Variants in POLR1E observed in about 807,000 individuals in gnomAD.
The protein encoded by POLR1E is DNA-directed RNA polymerase I subunit RPA49.
In POLR1E, 37 loss-of-function variants were observed where a neutral mutation model predicts 50.9. The ratio of observed to expected loss-of-function variants is 0.73; its 90% CI spans 0.56 to 0.96. POLR1E has a LOEUF of 0.96. Ranked by LOEUF, POLR1E falls within the 40% of genes least tolerant of loss-of-function variation. POLR1E has a pLI of 0.00. For missense variants in POLR1E, 426 were observed against 518.1 expected, an observed-to-expected ratio of 0.82 and a Z score of 1.73; for synonymous variants, 166 against 191.6, an observed-to-expected ratio of 0.87 and a Z score of 1.10.
At chr9:37,486,855 C>T (rs866495410) in intron 2 of POLR1E, 49 bp downstream of exon 2, 3 of 1,557,196 alleles carry the variant, frequency 1.9e-6, no homozygotes, top group African/African-American at 1.4e-5. Flanking sequence ...GCTCAGAAGG[C>T]CCCTGGGAGT....
At chr9:37,489,775 T>C (rs1370553191) in intron 4 of POLR1E, among the ~76,000 whole-genome samples, 1 of 152,218 alleles carries the variant, frequency 6.6e-6, no homozygotes, top group Non-Finnish European at 1.5e-5. Context: ...CGTTTTACCA[T>C]GTTGGCCAGG....
At chr9:37,496,100 T>C (rs528416508) in intron 8 of POLR1E, 114 bp downstream of exon 8, 4 of 739,846 alleles carry the variant, frequency 5.4e-6, no homozygotes, top group Admixed American at 2.2e-5. Flanking sequence ...GTCTGGAGCA[T>C]TGGACATGAA....
chr9:37,502,321 C>T (rs988588053), intron 11 of POLR1E, among the ~76,000 whole-genome samples: 3 of 152,202 alleles, frequency 2.0e-5, no homozygotes, highest in Admixed American at 2.0e-4. Flanking sequence ...AGAGCTTCCT[C>T]ACAATCAGAT....
chr9:37,497,299 G>A (rs1219701425), intron 8 of POLR1E, among the ~76,000 whole-genome samples: 1 of 152,236 alleles, frequency 6.6e-6, no homozygotes, highest in African/African-American at 2.4e-5. Context: ...AGGTTGCGGT[G>A]AGCCAAGATT....
chr9:37,489,701 G>A (rs1426805089), intron 4 of POLR1E, among the ~76,000 whole-genome samples: 1 of 152,034 alleles, frequency 6.6e-6, no homozygotes, highest in African/African-American at 2.4e-5. Flanking sequence ...AGCCTCCCGA[G>A]TAGCTGGGAT....
rs369020220 is a variant in POLR1E at position 37,503,211 on chromosome 9, T to A, written c.*9T>A. Reference sequence around the variant, plus strand: ...GGAGGAAGATTACCTAGACGCATGCTTTCCAGACAGGGCGTTTTGGCTGCA... The same window carrying A: ...GGAGGAAGATTACCTAGACGCATGCATTCCAGACAGGGCGTTTTGGCTGCA... On this transcript the variant is annotated 3_prime_UTR_variant, in exon 12 of 12. Coordinates refer to ENST00000377798, the MANE Select transcript of POLR1E (RefSeq NM_022490.4). 1 of 1,591,986 alleles carries A rather than the reference T, an allele frequency of 6.3e-7. No individual in the cohort carries two copies. The highest frequency in any genetic ancestry group is 1.4e-5 in the African/African-American group (1 of 74,030).
intron 7 of POLR1E, 129 bp downstream of exon 7, chr9:37,495,405 G>A (rs1820766480): frequency 2.6e-6 from 2 of 775,242 alleles, no homozygotes; most frequent in African/African-American, 1.7e-5. Flanking sequence ...AACCTTTGCA[G>A]TTGCTCAGTG....
chr9:37,498,644 G>A (rs957465274), intron 9 of POLR1E, among the ~76,000 whole-genome samples: 2 of 152,232 alleles, frequency 1.3e-5, no homozygotes, highest in African/African-American at 4.8e-5. Context: ...TTGAAGGCTT[G>A]TGGCAGGTTT....
intron 8 of POLR1E, 83 bp downstream of exon 8, chr9:37,496,069 C>T (rs183551461): frequency 2.8e-5 from 27 of 974,460 alleles, no homozygotes; most frequent in East Asian, 2.2e-4. Flanking sequence ...GTCCTCTGGG[C>T]GTCAGTCAGT....
chr9:37,501,570 G>T, intron 10 of POLR1E, 143 bp from the exon 11 acceptor site: 1 of 1,006,018 alleles, frequency 9.9e-7, no homozygotes, highest in Non-Finnish European at 1.4e-6. Context: ...GAAGGGCAAA[G>T]TCACCCACAT....
chr9:37,495,865 G>A (rs1365618876), intron 7 of POLR1E, 25 bp from the exon 8 acceptor site: 1 of 1,550,228 alleles, frequency 6.5e-7, no homozygotes. Context: ...ATTTTGGTTG[G>A]ATTATATTCT....
At chr9:37,494,518 G>T (rs1371960109) in intron 6 of POLR1E, among the ~76,000 whole-genome samples, 1 of 152,150 alleles carries the variant, frequency 6.6e-6, no homozygotes, top group African/African-American at 2.4e-5. Context: ...GCTCACTGCA[G>T]CCATAACCTC....
intron 10 of POLR1E, among the ~76,000 whole-genome samples, chr9:37,501,289 G>T (rs1169962822): frequency 6.6e-6 from 1 of 152,248 alleles, no homozygotes; most frequent in African/African-American, 2.4e-5. Context: ...GGAAAGACCC[G>T]CAGGCCCTGC....
intron 8 of POLR1E, among the ~76,000 whole-genome samples, chr9:37,497,223 T>C (rs112248189): frequency 0.28 from 42,474 of 152,062 alleles, 6,527 homozygotes; most frequent in African/African-American, 0.41. Flanking sequence ...GGCGTGGTGG[T>C]GCATGCCTGT....
At chr9:37,489,898 T>G (rs1433591730) in intron 4 of POLR1E, among the ~76,000 whole-genome samples, 1 of 152,136 alleles carries the variant, frequency 6.6e-6, no homozygotes, top group African/African-American at 2.4e-5. Context: ...CAGCACACAC[T>G]TATTGATAAC....
At chr9:37,493,189 A>AG (rs1335401990) in intron 5 of POLR1E, among the ~76,000 whole-genome samples, 1 of 152,148 alleles carries the variant, frequency 6.6e-6, no homozygotes, top group African/African-American at 2.4e-5. Flanking sequence ...TTTTTGCTTC[A>AG]GGGGGAAGGA....
intron 8 of POLR1E, among the ~76,000 whole-genome samples, chr9:37,496,616 ATTAT>A (rs1193470641): frequency 1.7e-5 from 1 of 59,374 alleles, no homozygotes; most frequent in East Asian, 5.2e-4. Flanking sequence ...AATTATTATT[ATTAT>A]TTCTTTTTTT....
chr9:37,503,411 T>G lies in POLR1E; in HGVS notation c.*209T>G. The G allele has an allele frequency of 4.6e-6, 2 of 435,540 alleles. No individual in the cohort carries two copies. The highest frequency in any genetic ancestry group is 7.6e-6 in the Non-Finnish European group (2 of 262,140). 27.0% of individuals were successfully genotyped at this position (435,540 alleles called of 1,614,324 possible). On this transcript the variant is annotated 3_prime_UTR_variant, in exon 12 of 12. Coordinates refer to ENST00000377798, the MANE Select transcript of POLR1E (RefSeq NM_022490.4). The stretch of plus-strand genomic sequence containing the variant: ...GGACAACATAGGGAGACCCCATCTC[T>G]ACCGGAGGAAAAAAAAAAGAGTCAG...
At chr9:37,493,389 T>A (rs892802608) in intron 5 of POLR1E, among the ~76,000 whole-genome samples, 170 bp from the exon 6 acceptor site, 1 of 152,166 alleles carries the variant, frequency 6.6e-6, no homozygotes, top group Non-Finnish European at 1.5e-5. Flanking sequence ...TCTGTTAATA[T>A]CATTTGGTGC....
Sources: gnomAD v4.1 joint callset for allele counts (sites outside exome capture counted in the v4.1 genomes callset) on GRCh38, gnomAD v4.1.1 for gene constraint, MANE v1.5 for transcripts, NCBI Gene and HGNC (gene_info 2026-07-23, HGNC 2026-07-21) for gene names.